CSMD1: variants seen among roughly 807,000 people sequenced by gnomAD.
CSMD1 encodes the protein CUB and Sushi multiple domains 1.
Under a neutral mutation model 417.5 loss-of-function variants are expected in CSMD1, and 213 were observed. The observed-to-expected ratio is 0.51, with a 90% confidence interval of 0.46 to 0.57. The LOEUF (loss-of-function observed/expected upper bound fraction) is 0.57. Ranked by LOEUF, CSMD1 falls within the 20% of genes least tolerant of loss-of-function variation. CSMD1 has a pLI of 0.00. For synonymous variants in CSMD1, 2,862 were observed against 1,736.8 expected, an observed-to-expected ratio of 1.65 and a Z score of -16.11; for missense variants, 6,923 against 4,529.7, an observed-to-expected ratio of 1.53 and a Z score of -15.17.
intron 1 of CSMD1, among the ~76,000 whole-genome samples, chr8:4,646,931 A>T (rs1803554975): frequency 6.6e-6 from 1 of 152,150 alleles, no homozygotes; most frequent in East Asian, 1.9e-4. Context: ...TAGTACACAC[A>T]TTTTTAAAAA....
chr8:4,750,079 C>G (rs1811206928), intron 1 of CSMD1, among the ~76,000 whole-genome samples: 2 of 152,112 alleles, frequency 1.3e-5, no homozygotes, highest in Non-Finnish European at 2.9e-5. Flanking sequence ...GATCTCGGCT[C>G]ACCGCAAGCT....
chr8:3,068,725 C>G (rs1238929668), intron 49 of CSMD1, among the ~76,000 whole-genome samples: 1 of 152,092 alleles, frequency 6.6e-6, no homozygotes, highest in Non-Finnish European at 1.5e-5. Flanking sequence ...GTGCCACACA[C>G]TTTTAACTGA....
chr8:3,719,788 G>C (rs553523623), intron 6 of CSMD1, among the ~76,000 whole-genome samples: 1 of 152,114 alleles, frequency 6.6e-6, no homozygotes, highest in Admixed American at 6.5e-5. Context: ...CCAGTTCTAC[G>C]TGTGTCCAGC....
At chr8:3,926,098 C>A (rs1279296464) in intron 5 of CSMD1, among the ~76,000 whole-genome samples, 3 of 81,936 alleles carry the variant, frequency 3.7e-5, no homozygotes, top group Admixed American at 1.5e-4. Context: ...CACACACACA[C>A]ACACACACAC....
chr8:3,003,868 T>A (rs1585129376), intron 52 of CSMD1, among the ~76,000 whole-genome samples: 2 of 152,174 alleles, frequency 1.3e-5, no homozygotes, highest in South Asian at 4.1e-4. Flanking sequence ...ATTAGAAATG[T>A]TATATATTTT....
intron 1 of CSMD1, among the ~76,000 whole-genome samples, chr8:4,977,503 G>T (rs1010575448): frequency 1.3e-5 from 2 of 152,160 alleles, no homozygotes; most frequent in East Asian, 1.9e-4. Context: ...CTTCACATTG[G>T]CATGAAAACG....
intron 2 of CSMD1, among the ~76,000 whole-genome samples, chr8:4,614,829 AT>A (rs1004415357): frequency 3.9e-5 from 6 of 152,254 alleles, no homozygotes; most frequent in South Asian, 2.1e-4. Context: ...ATCAGACATT[AT>A]TTTTTTAAAA....
chr8:3,400,807 TTA>T (rs964869348), intron 15 of CSMD1, among the ~76,000 whole-genome samples: 51 of 150,668 alleles, frequency 3.4e-4, no homozygotes, highest in Non-Finnish European at 1.0e-4. Flanking sequence ...TTTTGATATA[TTA>T]TATATATATA....
At chr8:3,636,992 C>A (rs1273556771) in intron 7 of CSMD1, among the ~76,000 whole-genome samples, 1 of 152,104 alleles carries the variant, frequency 6.6e-6, no homozygotes, top group Admixed American at 6.5e-5. Context: ...CTCTCTTTCT[C>A]TCTGCTTGTT....
At chr8:4,765,838 C>G (rs1812428619) in intron 1 of CSMD1, among the ~76,000 whole-genome samples, 1 of 152,130 alleles carries the variant, frequency 6.6e-6, no homozygotes, top group Non-Finnish European at 1.5e-5. Context: ...TTAGAGAGAG[C>G]TTAGTAACTG....
intron 2 of CSMD1, among the ~76,000 whole-genome samples, chr8:4,428,854 G>C (rs1451415072): frequency 1.3e-5 from 2 of 151,964 alleles, no homozygotes; most frequent in Non-Finnish European, 2.9e-5. Flanking sequence ...GAGTATCTGG[G>C]ATTACAGGCA....
intron 3 of CSMD1, among the ~76,000 whole-genome samples, chr8:4,165,221 G>T (rs921421626): frequency 6.6e-6 from 1 of 152,226 alleles, no homozygotes; most frequent in Non-Finnish European, 1.5e-5. Context: ...CACCCTCCAG[G>T]TGTCACTGTT....
chr8:4,248,313 C>G (rs1802833838), intron 3 of CSMD1, among the ~76,000 whole-genome samples: 2 of 152,200 alleles, frequency 1.3e-5, no homozygotes, highest in South Asian at 4.2e-4. Context: ...ATATACTAAT[C>G]AATCAATGCA....
intron 12 of CSMD1, among the ~76,000 whole-genome samples, chr8:3,446,092 T>C (rs1466237929): frequency 6.6e-6 from 1 of 152,052 alleles, no homozygotes; most frequent in Non-Finnish European, 1.5e-5. Context: ...AAAGTTGAAA[T>C]GGACTAAAAA....
chr8:2,955,156 G>C (rs1172202706), intron 64 of CSMD1, among the ~76,000 whole-genome samples: 1 of 152,166 alleles, frequency 6.6e-6, no homozygotes, highest in African/African-American at 2.4e-5. Flanking sequence ...ACCACAAACA[G>C]CATGTGGTCT....
At chr8:3,484,875 G>A (rs1817935296) in intron 11 of CSMD1, among the ~76,000 whole-genome samples, 1 of 152,162 alleles carries the variant, frequency 6.6e-6, no homozygotes, top group South Asian at 2.1e-4. Context: ...CCACAACGAG[G>A]TGTCATTACA....
At chr8:3,720,631 A>ACACACT (rs1802101696) in intron 6 of CSMD1, among the ~76,000 whole-genome samples, 2 of 151,400 alleles carry the variant, frequency 1.3e-5, no homozygotes, top group Non-Finnish European at 3.0e-5. Flanking sequence ...ACACACACAC[A>ACACACT]CACACACACA....
intron 5 of CSMD1, among the ~76,000 whole-genome samples, chr8:3,989,566 A>G (rs190749817): frequency 4.0e-4 from 61 of 152,328 alleles, no homozygotes; most frequent in Admixed American, 3.9e-4. Context: ...CTTTTTCCCC[A>G]AACAAGAAAG....
At chr8:4,375,078 T>C (rs1802646613) in intron 3 of CSMD1, among the ~76,000 whole-genome samples, 1 of 151,204 alleles carries the variant, frequency 6.6e-6, no homozygotes, top group South Asian at 2.1e-4. Flanking sequence ...GAGTGATGAA[T>C]ATTTCCAGGC....
Sources: gnomAD v4.1 joint callset for allele counts (sites outside exome capture counted in the v4.1 genomes callset) on GRCh38, gnomAD v4.1.1 for gene constraint, MANE v1.5 for transcripts, NCBI Gene and HGNC (gene_info 2026-07-23, HGNC 2026-07-21) for gene names.